The following ATP8A2 variants were observed in gnomAD, a reference collection of about 807,000 sequenced individuals.
ATP8A2 encodes the protein phospholipid-transporting ATPase IB.
A neutral mutation model predicts 165.6 loss-of-function variants in ATP8A2; 100 were observed. The observed-to-expected ratio is 0.60, with a 90% CI of 0.51 to 0.71. The LOEUF (loss-of-function observed/expected upper bound fraction) is 0.71, where lower values mean the gene tolerates loss of function less well. ATP8A2 is among the 30% of genes least tolerant of loss of function. The pLI is 0.00. For synonymous variants in ATP8A2, 543 were observed against 548.8 expected, an observed-to-expected ratio of 0.99 and a Z score of 0.15; for missense variants, 1,227 against 1,479.5, an observed-to-expected ratio of 0.83 and a Z score of 2.80.
At chr13:25,537,038 C>T (rs1369277186) in intron 6 of ATP8A2, among the ~76,000 whole-genome samples, 1 of 152,150 alleles carries the variant, frequency 6.6e-6, no homozygotes, top group Non-Finnish European at 1.5e-5. Flanking sequence ...ATTTGAAAGC[C>T]CCTGTTCTCT....
rs183223282 is a variant in ATP8A2 at position 25,434,202 on chromosome 13, C to T, written c.77-34775C>T. 9.0e-4 allele frequency among the ~76,000 whole-genome samples: 137 copies of T among 152,260 alleles called. 1 individual carries two copies. Among genetic ancestry groups the T allele is most frequent in the African/African-American group, 3.2e-3 (131 of 41,550 alleles). ...CGAGGAATTCTTCAGAGATGGTTAG[C>T]GCTGAGGCTCTTGGTGCCTGTAGCT... On this transcript the variant is annotated intron_variant, in intron 1 of 36. Transcript: ENST00000381655.
chr13:25,877,107 A>G (rs1334470312), intron 33 of ATP8A2, among the ~76,000 whole-genome samples: 1 of 152,164 alleles, frequency 6.6e-6, no homozygotes, highest in Non-Finnish European at 1.5e-5. Flanking sequence ...CTAATGAAGT[A>G]ATATTCTCAT....
At position 25,939,598 on chromosome 13, in the gene ATP8A2, A is replaced by ACCATGTCTTCATACTCTTTT. The variant is rs539888778; in HGVS notation, c.3184-21976_3184-21957dup. On this transcript the variant is annotated intron_variant, in intron 33 of 36. Coordinates refer to ENST00000381655, the MANE Select transcript of ATP8A2 (RefSeq NM_016529.6). ...GTGCCAATGTGGAGACTCCTCTGTTACCATGTCTTCATACTCTTTTGACTT... is the reference window on the plus strand; with the variant it reads ...GTGCCAATGTGGAGACTCCTCTGTTACCATGTCTTCATACTCTTTTCCATGTCTTCATACTCTTTTGACTT... Among the ~76,000 whole-genome samples, 481 of 152,046 alleles carry ACCATGTCTTCATACTCTTTT rather than the reference A, an allele frequency of 3.2e-3. 2 individuals are homozygous for ACCATGTCTTCATACTCTTTT. The highest frequency in any genetic ancestry group is 0.011 in the African/African-American group (472 of 41,434).
intron 1 of ATP8A2, among the ~76,000 whole-genome samples, chr13:25,448,121 G>C (rs1416017580): frequency 6.6e-6 from 1 of 152,198 alleles, no homozygotes; most frequent in Non-Finnish European, 1.5e-5. Context: ...GTCCAGGCTT[G>C]AGGGTGGAAC....
intron 24 of ATP8A2, among the ~76,000 whole-genome samples, chr13:25,617,687 C>T (rs552281999): frequency 2.0e-5 from 3 of 152,142 alleles, no homozygotes; most frequent in Non-Finnish European, 4.4e-5. Flanking sequence ...ATTTTTGTTA[C>T]AGTTCCATCA....
chr13:25,878,732 C>A (rs1166328913), intron 33 of ATP8A2, among the ~76,000 whole-genome samples: 1 of 152,074 alleles, frequency 6.6e-6, no homozygotes, highest in African/African-American at 2.4e-5. Flanking sequence ...GGTTCAAACG[C>A]CTCTGACAAC....
chr13:25,401,144 C>A (rs1464044044), intron 1 of ATP8A2, among the ~76,000 whole-genome samples: 1 of 151,982 alleles, frequency 6.6e-6, no homozygotes, highest in Non-Finnish European at 1.5e-5. Flanking sequence ...GAGACACGGT[C>A]CTTAACTCCT....
At chr13:25,424,928 A>G (rs1240664912) in intron 1 of ATP8A2, among the ~76,000 whole-genome samples, 3 of 152,218 alleles carry the variant, frequency 2.0e-5, no homozygotes, top group Admixed American at 6.5e-5. Context: ...ATTACACTCC[A>G]GCCCGGGCGA....
intron 24 of ATP8A2, among the ~76,000 whole-genome samples, chr13:25,600,863 C>T (rs2040365772): frequency 6.6e-6 from 1 of 152,160 alleles, no homozygotes; most frequent in Non-Finnish European, 1.5e-5. Context: ...CCGAAGCCAG[C>T]AGATAATATC....
chr13:25,990,261 TAAAAAA>T, intron 35 of ATP8A2, among the ~76,000 whole-genome samples: 1 of 108,370 alleles, frequency 9.2e-6, no homozygotes, highest in East Asian at 2.6e-4. Context: ...CATGTAACTG[TAAAAAA>T]AAAAAAAAAA....
chr13:25,642,776 C>T (rs368004059), intron 24 of ATP8A2, among the ~76,000 whole-genome samples: 41 of 152,188 alleles, frequency 2.7e-4, no homozygotes, highest in East Asian at 2.5e-3. Context: ...ATGTTTATTG[C>T]GGCACTATTC....
chr13:25,625,584 G>A (rs1437242767), intron 24 of ATP8A2, among the ~76,000 whole-genome samples: 2 of 152,200 alleles, frequency 1.3e-5, no homozygotes, highest in African/African-American at 4.8e-5. Context: ...GGGGCAGAGG[G>A]TGTCTCATTA....
chr13:25,832,247 T>C (rs4525343), intron 28 of ATP8A2, among the ~76,000 whole-genome samples: 86,561 of 151,992 alleles, frequency 0.57, 25,006 homozygotes, highest in East Asian at 0.7. Flanking sequence ...TCATTTTGTT[T>C]TGTGGGTAGA....
Position 25,372,186 on chromosome 13 carries a change from G to T in ATP8A2, c.-27G>T. 7.1e-7 allele frequency: 1 copy of T among 1,417,528 alleles called. No homozygotes were observed. Among genetic ancestry groups the T allele is most frequent in the Non-Finnish European group, 9.3e-7 (1 of 1,073,692 alleles). The allele number at this position is 1,417,528 out of a possible 1,614,324, so 87.8% of individuals were successfully genotyped here. A position where few individuals can be genotyped will look rare whatever the true frequency, so the allele number is the denominator to read the frequency against. On this transcript the variant is annotated 5_prime_UTR_variant, in exon 1 of 37. Coordinates refer to ENST00000381655, the MANE Select transcript of ATP8A2 (RefSeq NM_016529.6). The surrounding 1 kb of genome is among the most constrained non-coding windows in gnomAD (Gnocchi z 4.8). Reference sequence around the variant, plus strand: ...CGCGTAGCCTCCGTCTCTCGCCCGGGGCCGCCGAGCCCCCGACACGGGCGA... The same window carrying T: ...CGCGTAGCCTCCGTCTCTCGCCCGGTGCCGCCGAGCCCCCGACACGGGCGA...
At chr13:25,437,124 A>G (rs1301717834) in intron 1 of ATP8A2, among the ~76,000 whole-genome samples, 2 of 152,050 alleles carry the variant, frequency 1.3e-5, no homozygotes, top group East Asian at 3.9e-4. Context: ...GTAAGATGGT[A>G]TCTTATTGTG....
At chr13:25,915,784 T>TTAC (rs1235448637) in intron 33 of ATP8A2, among the ~76,000 whole-genome samples, 3 of 152,264 alleles carry the variant, frequency 2.0e-5, no homozygotes, top group Non-Finnish European at 4.4e-5. Flanking sequence ...GAACCTCATC[T>TTAC]TACTTGCTTT....
intron 35 of ATP8A2, among the ~76,000 whole-genome samples, chr13:25,999,427 A>C (rs962657758): frequency 1.7e-4 from 26 of 152,118 alleles, no homozygotes; most frequent in African/African-American, 6.3e-4. Context: ...AACTGGATTC[A>C]TTGCTGTTCC....
chr13:25,585,986 A>G (rs542158500), intron 23 of ATP8A2, among the ~76,000 whole-genome samples: 3 of 152,364 alleles, frequency 2.0e-5, no homozygotes, highest in Admixed American at 1.3e-4. Flanking sequence ...TGTGCAGTGT[A>G]GATGTTAATT....
chr13:25,763,986 TTGAC>T (rs2044438756), intron 25 of ATP8A2, among the ~76,000 whole-genome samples: 1 of 152,194 alleles, frequency 6.6e-6, no homozygotes, highest in Admixed American at 6.5e-5. Flanking sequence ...ACTGAAGTTT[TTGAC>T]TGACTGCCAT....
Sources: gnomAD v4.1 joint callset for allele counts (sites outside exome capture counted in the v4.1 genomes callset) on GRCh38, gnomAD v4.1.1 for gene constraint, Gnocchi (gnomAD v3.1) non-coding constraint, MANE v1.5 for transcripts, NCBI Gene and HGNC (gene_info 2026-07-23, HGNC 2026-07-21) for gene names.